RAD51C: variants seen among roughly 807,000 people sequenced by gnomAD.
RAD51C encodes DNA repair protein RAD51 homolog 3.
RAD51C carries 42 observed loss-of-function variants against 45.0 expected under a neutral mutation model. The ratio of observed to expected loss-of-function variants is 0.93; its 90% CI spans 0.73 to 1.21. The LOEUF (loss-of-function observed/expected upper bound fraction) is 1.21, where lower values mean the gene tolerates loss of function less well. Ranked by LOEUF, RAD51C falls within the 50% of genes most tolerant of loss-of-function variation. The pLI is 0.00. For synonymous variants in RAD51C, 172 were observed against 159.8 expected (o/e 1.08, Z -0.58); for missense variants, 474 against 452.2 (o/e 1.05, Z -0.44).
chr17:58,694,697 A>G (rs1259967203), intron 1 of RAD51C: 3 of 493,876 alleles, frequency 6.1e-6, no homozygotes, highest in Non-Finnish European at 1.1e-5. Flanking sequence ...CTGGTCTTCA[A>G]CTCCTGACCT....
intron 2 of RAD51C, among the ~76,000 whole-genome samples, chr17:58,696,139 ATATTCT>A (rs1056123720): frequency 2.6e-5 from 4 of 152,006 alleles, no homozygotes; most frequent in Admixed American, 6.6e-5. Context: ...AATGATTAAA[ATATTCT>A]TAATTGGCTG....
chr17:58,693,152 TG>T (rs1365025078), intron 1 of RAD51C: 2 of 277,342 alleles, frequency 7.2e-6, no homozygotes, highest in East Asian at 1.0e-4. Flanking sequence ...TAGGAAATAC[TG>T]GAGTCAGAAT....
intron 4 of RAD51C, among the ~76,000 whole-genome samples, chr17:58,703,987 G>A (rs1263379067): frequency 7.3e-6 from 1 of 136,282 alleles, no homozygotes; most frequent in Non-Finnish European, 1.6e-5. Context: ...AACTCCTGGG[G>A]TTAAGCGATT....
Position 58,703,292 on chromosome 17 carries a change from T to A in RAD51C, c.668T>A (p.Val223Asp), listed in dbSNP as rs2143800542. The part of the protein sequence containing the change: ...CRDYTELLAQ[V>D]YLLPDFLSEH... ...GACTACACAGAGTTACTGGCACAAG[T>A]TTATCTTCTTCCAGATTTCCTTTCA... is the stretch of plus-strand genomic sequence containing the variant. The change falls in exon 4 of 9, where the codon GTT (valine) becomes GAT (aspartate). Residue 223 changes from valine (V) to aspartate (D), a missense_variant. Val to Asp is a radical substitution (Grantham distance 152). Transcript: ENST00000337432. 6.2e-7 allele frequency: 1 copy of A among 1,611,354 alleles called. No homozygotes were observed. Among genetic ancestry groups the A allele is most frequent in the Non-Finnish European group, 8.5e-7 (1 of 1,177,784 alleles).
chr17:58,729,746 A>G (rs1257033024), intron 7 of RAD51C, among the ~76,000 whole-genome samples: 1 of 151,096 alleles, frequency 6.6e-6, no homozygotes, highest in Admixed American at 6.6e-5. Flanking sequence ...TAACTTTTGT[A>G]TTTTTAGTAG....
At chr17:58,714,620 G>A (rs369049268) in intron 5 of RAD51C, among the ~76,000 whole-genome samples, 18 of 152,008 alleles carry the variant, frequency 1.2e-4, no homozygotes, top group East Asian at 9.7e-4. Flanking sequence ...CACCATGCCC[G>A]GCTAATTTTT....
rs75151676 is a variant in RAD51C at position 58,710,851 on chromosome 17, T to C, written c.837+861T>C. On this transcript the variant is annotated intron_variant, in intron 5 of 8. Transcript: ENST00000337432. ...GCTTGTTTGCCATTACTTCCCACCC[T>C]GAATCCACATCCCACCACTGACACA... Among the ~76,000 whole-genome samples the C allele has an allele frequency of 6.5e-3, 987 of 152,248 alleles. 4 individuals carry two copies. Among genetic ancestry groups the C allele is most frequent in the Non-Finnish European group, 0.011 (740 of 68,008 alleles).
intron 2 of RAD51C, among the ~76,000 whole-genome samples, chr17:58,695,556 C>T (rs1031132148): frequency 1.3e-5 from 2 of 152,076 alleles, no homozygotes; most frequent in African/African-American, 4.8e-5. Context: ...GAGGCCGAGG[C>T]AGGAGGATTG....
At chr17:58,724,959 G>T (rs572126150) in intron 7 of RAD51C, among the ~76,000 whole-genome samples, 55 of 151,980 alleles carry the variant, frequency 3.6e-4, no homozygotes, top group Admixed American at 2.6e-3. Flanking sequence ...TTTCTTTGTT[G>T]TTCTACAAAC....
intron 7 of RAD51C, among the ~76,000 whole-genome samples, chr17:58,730,834 T>G (rs570524593): frequency 6.8e-4 from 104 of 152,286 alleles, no homozygotes; most frequent in Non-Finnish European, 1.1e-3. Context: ...TTACATATAG[T>G]TCACTGGCAT....
At chr17:58,724,183 C>A (rs1042431652) in intron 7 of RAD51C, 83 bp downstream of exon 7, 2 of 1,341,708 alleles carry the variant, frequency 1.5e-6, no homozygotes, top group Non-Finnish European at 2.1e-6. Flanking sequence ...AGAGCTAGTC[C>A]TGTGGATGAG....
At chr17:58,710,312 T>G (rs1034865102) in intron 5 of RAD51C, among the ~76,000 whole-genome samples, 13 of 122,778 alleles carry the variant, frequency 1.1e-4, no homozygotes, top group South Asian at 2.6e-4. Flanking sequence ...AAACCCTGTC[T>G]CTACTAAAAA....
chr17:58,720,656 A>G, intron 5 of RAD51C, 90 bp from the exon 6 acceptor site: 1 of 933,154 alleles, frequency 1.1e-6, no homozygotes, highest in Admixed American at 1.9e-5. Context: ...TATTTTTAGT[A>G]GAGATGGGGT....
intron 5 of RAD51C, among the ~76,000 whole-genome samples, chr17:58,718,932 A>G (rs533295596): frequency 2.6e-5 from 4 of 152,252 alleles, no homozygotes; most frequent in South Asian, 2.1e-4. Context: ...GATAAAGAAC[A>G]TGGACTCAGG....
Position 58,733,052 on chromosome 17 carries a change from G to A in RAD51C, c.1026+508G>A, listed in dbSNP as rs115067678. Among the ~76,000 whole-genome samples, 1,397 of 151,942 alleles carry A rather than the reference G, an allele frequency of 9.2e-3. 18 individuals are homozygous for A. The highest frequency in any genetic ancestry group is 0.031 in the African/African-American group (1,294 of 41,454). Reference sequence around the variant, plus strand: ...TTTTTTTTTGAGATGGAGTCTCTGCGTCGCCCAGGCTGGAGTGCAGCGGTG... The same window carrying A: ...TTTTTTTTTGAGATGGAGTCTCTGCATCGCCCAGGCTGGAGTGCAGCGGTG... On this transcript the variant is annotated intron_variant, in intron 8 of 8. Transcript: ENST00000337432.
At chr17:58,715,459 A>C (rs2143891011) in intron 5 of RAD51C, among the ~76,000 whole-genome samples, 1 of 151,632 alleles carries the variant, frequency 6.6e-6, no homozygotes, top group Non-Finnish European at 1.5e-5. Flanking sequence ...TGTCTCAAAA[A>C]AAAAAAAAAA....
chr17:58,734,573 T>C lies in RAD51C; in HGVS notation c.*351T>C, dbSNP rs2049577249. ...CTATAAAATCTTAGGAAGAAACATA[T>C]CATATTCTTATTGTGTTTTTTTTTT... On this transcript the variant is annotated 3_prime_UTR_variant, in exon 9 of 9. Coordinates refer to ENST00000337432, the MANE Select transcript of RAD51C (RefSeq NM_058216.3). 3.8e-6 allele frequency: 1 copy of C among 265,710 alleles called. No individual in the cohort carries two copies. Among genetic ancestry groups the C allele is most frequent in the East Asian group, 8.2e-5 (1 of 12,164 alleles). The allele number at this position is 265,710 out of a possible 1,614,324, so 16.5% of individuals were successfully genotyped here.
intron 3 of RAD51C, 126 bp downstream of exon 3, chr17:58,696,985 T>C (rs1202060058): frequency 1.5e-5 from 17 of 1,128,646 alleles, no homozygotes; most frequent in African/African-American, 4.7e-5. Flanking sequence ...TTAACTAGTG[T>C]TAAACTCTTT....
chr17:58,725,588 A>G (rs2049089840), intron 7 of RAD51C, among the ~76,000 whole-genome samples: 1 of 152,170 alleles, frequency 6.6e-6, no homozygotes, highest in Admixed American at 6.6e-5. Context: ...TTCTTTGTCA[A>G]GTTCTAGAAG....
Sources: gnomAD v4.1 joint callset for allele counts (sites outside exome capture counted in the v4.1 genomes callset) on GRCh38, gnomAD v4.1.1 for gene constraint, MANE v1.5 for transcripts, NCBI Gene and HGNC (gene_info 2026-07-23, HGNC 2026-07-21) for gene names.